The following PRELID2 variants were observed in gnomAD, a reference collection of about 807,000 sequenced individuals.
The protein encoded by PRELID2 is PRELI domain containing 2, also known as PRELI domain-containing protein 2.
PRELID2 carries 25 observed loss-of-function variants against 28.4 expected under a neutral mutation model. The observed-to-expected ratio is 0.88, with a 90% CI of 0.64 to 1.23. The LOEUF is 1.23. PRELID2 is among the 50% of genes most tolerant of loss of function. The pLI is 0.00. For synonymous variants in PRELID2, 76 were observed against 71.6 expected, an observed-to-expected ratio of 1.06 and a Z score of -0.31; for missense variants, 201 against 214.4, an observed-to-expected ratio of 0.94 and a Z score of 0.39.
chr5:145,826,256 C>CGCTTTACACT (rs1755186652), intron 1 of PRELID2: 3 of 836,226 alleles, frequency 3.6e-6, no homozygotes, highest in Non-Finnish European at 4.3e-6. Flanking sequence ...GTGTAAAGCC[C>CGCTTTACACT]GCAGACAAGC....
chr5:145,311,387 A>G, the PRELID2 span, among the ~76,000 whole-genome samples: 1 of 152,222 alleles, frequency 6.6e-6, no homozygotes, highest in East Asian at 1.9e-4. Flanking sequence ...TGCTGTCACC[A>G]TCTTGAAGTT....
intron 1 of PRELID2, chr5:145,473,343 C>G (rs1183673172): frequency 1.3e-5 from 2 of 152,154 alleles, no homozygotes; most frequent in Non-Finnish European, 2.9e-5. Context: ...TATTTTACAA[C>G]ATTATTGCAA....
chr5:145,393,225 A>G, the PRELID2 span, among the ~76,000 whole-genome samples: 3 of 152,176 alleles, frequency 2.0e-5, no homozygotes, highest in African/African-American at 7.2e-5. Flanking sequence ...ATAGCTGAGT[A>G]AAGGCCAACA....
At chr5:145,644,863 C>T (rs899644433) in intron 1 of PRELID2, among the ~76,000 whole-genome samples, 14 of 152,090 alleles carry the variant, frequency 9.2e-5, no homozygotes, top group Admixed American at 3.3e-4. Context: ...AATTTGATTG[C>T]GCTGTGGTCT....
At chr5:145,680,774 G>C (rs1046285013) in intron 1 of PRELID2, among the ~76,000 whole-genome samples, 1 of 151,880 alleles carries the variant, frequency 6.6e-6, no homozygotes, top group East Asian at 1.9e-4. Context: ...TCTGCTACCT[G>C]CAACCAAAAT....
At chr5:145,775,871 C>T (rs751380107) in intron 5 of PRELID2, among the ~76,000 whole-genome samples, 3 of 151,956 alleles carry the variant, frequency 2.0e-5, no homozygotes, top group African/African-American at 4.8e-5. Context: ...TAGGAAGTGA[C>T]GTTTGTGTTT....
At chr5:145,767,516 A>C (rs1392085368) in intron 5 of PRELID2, among the ~76,000 whole-genome samples, 2 of 152,126 alleles carry the variant, frequency 1.3e-5, no homozygotes, top group Non-Finnish European at 2.9e-5. Flanking sequence ...CCATCTATGA[A>C]TGACAAAGCT....
chr5:145,611,397 C>T (rs1753614818), intron 1 of PRELID2, among the ~76,000 whole-genome samples: 1 of 152,162 alleles, frequency 6.6e-6, no homozygotes, highest in Admixed American at 6.5e-5. Flanking sequence ...CTCCTGACCT[C>T]CAGTGATCCA....
intron 1 of PRELID2, among the ~76,000 whole-genome samples, chr5:145,568,272 G>A (rs544405030): frequency 2.0e-5 from 3 of 152,230 alleles, no homozygotes; most frequent in Admixed American, 1.3e-4. Context: ...CACTGCCAGG[G>A]GACAGAATTC....
the PRELID2 span, among the ~76,000 whole-genome samples, chr5:145,270,961 A>G: frequency 6.6e-6 from 1 of 152,090 alleles, no homozygotes; most frequent in Non-Finnish European, 1.5e-5. Context: ...GAAACTTACA[A>G]TCATGGAGGA....
At chr5:145,406,455 G>A in the PRELID2 span, among the ~76,000 whole-genome samples, 1 of 152,202 alleles carries the variant, frequency 6.6e-6, no homozygotes, top group South Asian at 2.1e-4. Flanking sequence ...TCAAAGGGCA[G>A]AGAAAGAATT....
chr5:145,790,701 T>TTGTGTGTG (rs148531864), intron 5 of PRELID2, among the ~76,000 whole-genome samples: 3,772 of 104,858 alleles, frequency 0.036, 133 homozygotes, highest in Admixed American at 0.058. Flanking sequence ...TAATTCCACA[T>TTGTGTGTG]TGTGTGTGTG....
chr5:145,739,233 C>T (rs976119846), intron 1 of PRELID2, among the ~76,000 whole-genome samples: 4 of 152,204 alleles, frequency 2.6e-5, no homozygotes, highest in East Asian at 1.9e-4. Flanking sequence ...GGGCTGGGTG[C>T]GGTGGCTCAC....
the PRELID2 span, among the ~76,000 whole-genome samples, chr5:145,277,739 G>A: frequency 6.6e-6 from 1 of 152,108 alleles, no homozygotes. Context: ...CACCTTCCCA[G>A]GGGCAGTCAG....
intron 1 of PRELID2, among the ~76,000 whole-genome samples, chr5:145,482,665 T>C (rs1196316450): frequency 1.3e-5 from 2 of 151,992 alleles, no homozygotes; most frequent in Non-Finnish European, 2.9e-5. Flanking sequence ...CATGGTGTAG[T>C]TTATTTCTAA....
At chr5:145,681,705 C>G (rs1754939214) in intron 1 of PRELID2, among the ~76,000 whole-genome samples, 1 of 152,144 alleles carries the variant, frequency 6.6e-6, no homozygotes, top group African/African-American at 2.4e-5. Context: ...AAACTGCACC[C>G]CCTTCTCTCC....
intron 5 of PRELID2, among the ~76,000 whole-genome samples, chr5:145,781,755 A>C (rs1283983576): frequency 4.9e-5 from 7 of 142,712 alleles, no homozygotes; most frequent in African/African-American, 1.1e-4. Flanking sequence ...ATATCTATAT[A>C]TATACACTAT....
the PRELID2 span, among the ~76,000 whole-genome samples, chr5:145,314,832 T>C: frequency 1.3e-5 from 2 of 151,934 alleles, no homozygotes; most frequent in Admixed American, 1.3e-4. Flanking sequence ...TTCTGACTTT[T>C]AATAGGATAA....
intron 1 of PRELID2, among the ~76,000 whole-genome samples, chr5:145,733,082 C>CA (rs556645506): frequency 0.057 from 4,432 of 77,976 alleles, 90 homozygotes; most frequent in South Asian, 0.15. Flanking sequence ...CCTGTCTCTA[C>CA]AAAAAAAAAA....
Sources: allele counts gnomAD v4.1 joint callset (sites outside exome capture counted in the v4.1 genomes callset), GRCh38; gene constraint gnomAD v4.1.1; transcripts MANE v1.5; gene names NCBI Gene and HGNC (gene_info 2026-07-23, HGNC 2026-07-21).